The following TOM1L1 variants were observed in gnomAD, a reference collection of about 807,000 sequenced individuals.
TOM1L1 encodes TOM1-like protein 1.
In TOM1L1, 64 loss-of-function variants were observed where a neutral mutation model predicts 63.4. The ratio of observed to expected loss-of-function variants is 1.01; its 90% confidence interval spans 0.83 to 1.24. TOM1L1 has a LOEUF of 1.24. Ranked by LOEUF, TOM1L1 falls within the 50% of genes most tolerant of loss-of-function variation. The probability of loss-of-function intolerance (pLI) is 0.00; values close to 1 mark genes in which losing one functional copy is unlikely to be tolerated. For synonymous variants in TOM1L1, 166 were observed against 194.4 expected, an observed-to-expected ratio of 0.85 and a Z score of 1.22; for missense variants, 536 against 567.0, an observed-to-expected ratio of 0.95 and a Z score of 0.55.
In TOM1L1 at chr17:54,937,121, C is replaced by T. The variant is rs1361960759; in HGVS notation, c.928C>T (p.Pro310Ser). ...GCTTTGTTTTCAGACTACCAGTGAG[C>T]CTTCTGCCCCATCTCAAGATCTCCT... ...QKEATNTTSEPSAPSQDLLDL... is the reference protein window; with the variant it reads ...QKEATNTTSESSAPSQDLLDL... The change falls in exon 10 of 16, where the codon CCT (proline) becomes TCT (serine). Residue 310 changes from proline (P) to serine (S), a missense_variant. Pro to Ser is a moderately conservative substitution (Grantham distance 74). Transcript: ENST00000575882. The T allele has an allele frequency of 6.2e-7, 1 of 1,610,912 alleles. No individual in the cohort carries two copies. The highest frequency in any genetic ancestry group is 1.7e-5 in the Admixed American group (1 of 59,766).
chr17:54,944,449 CA>C (rs34562804), intron 11 of TOM1L1, among the ~76,000 whole-genome samples: 2,465 of 142,796 alleles, frequency 0.017, 59 homozygotes, highest in African/African-American at 0.055. Flanking sequence ...GACTCTATCT[CA>C]AAAAAAAAAA....
intron 11 of TOM1L1, among the ~76,000 whole-genome samples, chr17:54,943,320 T>C (rs1003254341): frequency 7.9e-5 from 12 of 152,126 alleles, no homozygotes; most frequent in Admixed American, 1.3e-4. Flanking sequence ...TCTACTGTTA[T>C]ATAGTTATTC....
Position 54,961,661 on chromosome 17 carries a change from G to A in TOM1L1, c.*428G>A. Reference sequence around the variant, plus strand: ...ATGTATTATTCAGGAAGAATACTGAGTGCCTTCATTTAACTAAAGTTGAAT... The same window carrying A: ...ATGTATTATTCAGGAAGAATACTGAATGCCTTCATTTAACTAAAGTTGAAT... On this transcript the variant is annotated 3_prime_UTR_variant, in exon 16 of 16. Coordinates refer to ENST00000575882, the MANE Select transcript of TOM1L1 (RefSeq NM_005486.3). 1 of 1,065,216 alleles carries A rather than the reference G, an allele frequency of 9.4e-7. No homozygotes were observed. The allele number at this position is 1,065,216 out of a possible 1,614,324, so 66.0% of individuals were successfully genotyped here.
intron 6 of TOM1L1, among the ~76,000 whole-genome samples, 164 bp downstream of exon 6, chr17:54,914,907 G>A (rs9910653): frequency 0.28 from 42,934 of 152,070 alleles, 6,157 homozygotes; most frequent in Middle Eastern, 0.32. Context: ...CCATAGTTCA[G>A]TTCCAAGAAG....
chr17:54,906,669 TG>T (rs1327206672), intron 3 of TOM1L1: 1 of 684,000 alleles, frequency 1.5e-6, no homozygotes, highest in Non-Finnish European at 1.8e-6. Flanking sequence ...GAATGTTCTA[TG>T]TTGGTTTAAG....
At chr17:54,919,604 A>G (rs2048648015) in intron 7 of TOM1L1, among the ~76,000 whole-genome samples, 1 of 152,220 alleles carries the variant, frequency 6.6e-6, no homozygotes, top group Non-Finnish European at 1.5e-5. Flanking sequence ...TGCCTTGAAT[A>G]GTAAAGAGTC....
At chr17:54,956,447 AAGCATGTGCCAC>A (rs1389977513) in intron 14 of TOM1L1, among the ~76,000 whole-genome samples, 2 of 151,956 alleles carry the variant, frequency 1.3e-5, no homozygotes, top group Admixed American at 1.3e-4. Context: ...TGGGGACTAC[AAGCATGTGCCAC>A]CACGCCTGGC....
intron 11 of TOM1L1, 114 bp from the exon 12 acceptor site, chr17:54,947,147 A>C (rs921850871): frequency 2.2e-6 from 2 of 927,782 alleles, no homozygotes; most frequent in African/African-American, 3.3e-5. Context: ...ATGACACTTT[A>C]TGCAGTCTGA....
intron 1 of TOM1L1, 160 bp downstream of exon 1, chr17:54,901,083 C>T: frequency 1.0e-6 from 1 of 954,244 alleles, no homozygotes; most frequent in South Asian, 1.6e-5. Context: ...TCCACCCGGC[C>T]CCCTTTCGTC....
intron 14 of TOM1L1, chr17:54,959,616 ATTT>A (rs71361745): frequency 4.3e-5 from 6 of 138,664 alleles, no homozygotes; most frequent in African/African-American, 5.4e-5. Flanking sequence ...TGGAAGATTA[ATTT>A]TTTTTTTTTT....
At position 54,900,938 on chromosome 17, in the gene TOM1L1, G is replaced by A. The variant is rs751088100; in HGVS notation, c.58+15G>A. On this transcript the variant is annotated intron_variant, in intron 1 of 15. Transcript: ENST00000575882. ...CCACCTCATAGGTAAGGAGGCGCGGGGAGAGACGCCCAGGCAGGCAGGGGA... is the reference window on the plus strand; with the variant it reads ...CCACCTCATAGGTAAGGAGGCGCGGAGAGAGACGCCCAGGCAGGCAGGGGA... 8 of 1,613,688 alleles carry A rather than the reference G, an allele frequency of 5.0e-6. No individual in the cohort carries two copies. The East Asian group carries it at 1.3e-4, about 27-fold the overall frequency.
chr17:54,958,538 C>T (rs1227506330), intron 14 of TOM1L1: 3 of 152,346 alleles, frequency 2.0e-5, no homozygotes, highest in East Asian at 1.9e-4. Flanking sequence ...TGAGACCAGC[C>T]TGGCCAACAT....
chr17:54,915,849 T>C lies in TOM1L1; in HGVS notation c.707T>C (p.Ile236Thr), dbSNP rs149485998. Reference protein sequence around the residue: ...NTPGSENHEDIELLQKLYKTG... With the variant: ...NTPGSENHEDTELLQKLYKTG... ...CCTGGGTCTGAAAACCATGAAGACA[T>C]AGAGCTTCTGCAGGTGTTGTACGAT... Residue 236 changes from isoleucine (I) to threonine (T), a missense_variant, in exon 7 of 16, where the codon ATA becomes ACA. Coordinates refer to ENST00000575882, the MANE Select transcript of TOM1L1 (RefSeq NM_005486.3). The C allele has an allele frequency of 6.5e-5, 105 of 1,612,954 alleles. No individual in the cohort carries two copies. The highest frequency in any genetic ancestry group is 8.5e-5 in the Non-Finnish European group (100 of 1,179,144).
At chr17:54,931,723 A>T (rs2048861459) in intron 8 of TOM1L1, among the ~76,000 whole-genome samples, 1 of 152,108 alleles carries the variant, frequency 6.6e-6, no homozygotes, top group African/African-American at 2.4e-5. Context: ...GCATCTCTTG[A>T]GCCCAGGAGG....
At chr17:54,945,496 G>A (rs1415285422) in intron 11 of TOM1L1, among the ~76,000 whole-genome samples, 1 of 152,120 alleles carries the variant, frequency 6.6e-6, no homozygotes, top group Admixed American at 6.6e-5. Flanking sequence ...GAACCCTGAT[G>A]ACACAAATGT....
chr17:54,909,369 G>A (rs2048461943), intron 3 of TOM1L1, among the ~76,000 whole-genome samples: 1 of 152,178 alleles, frequency 6.6e-6, no homozygotes, highest in South Asian at 2.1e-4. Context: ...CATAGAGTGG[G>A]GTAGTCACCT....
At chr17:54,921,407 A>C (rs2048681597) in intron 7 of TOM1L1, among the ~76,000 whole-genome samples, 1 of 152,190 alleles carries the variant, frequency 6.6e-6, no homozygotes, top group Non-Finnish European at 1.5e-5. Flanking sequence ...ATTATCACAT[A>C]AAATTAACCA....
intron 3 of TOM1L1, among the ~76,000 whole-genome samples, chr17:54,907,201 C>A (rs2048426681): frequency 7.0e-6 from 1 of 143,512 alleles, no homozygotes; most frequent in Non-Finnish European, 1.5e-5. Context: ...TCTTGAAGGT[C>A]ACAGAATGGA....
chr17:54,950,239 T>C, intron 14 of TOM1L1, 113 bp downstream of exon 14: 1 of 737,212 alleles, frequency 1.4e-6, no homozygotes, highest in African/African-American at 1.8e-5. Context: ...CAGAAATTGA[T>C]GGCCTTATTA....
Sources: gnomAD v4.1 joint callset for allele counts (sites outside exome capture counted in the v4.1 genomes callset) on GRCh38, gnomAD v4.1.1 for gene constraint, MANE v1.5 for transcripts, NCBI Gene and HGNC (gene_info 2026-07-23, HGNC 2026-07-21) for gene names.